Variants in POLA1 observed in about 807,000 individuals in gnomAD.
POLA1 encodes the protein DNA polymerase alpha 1, catalytic subunit, also known as DNA polymerase alpha catalytic subunit.
POLA1 carries 15 observed loss-of-function variants against 124.0 expected under a neutral mutation model. The observed-to-expected ratio is 0.12, with a 90% CI of 0.08 to 0.19. The LOEUF (loss-of-function observed/expected upper bound fraction) is 0.19, where lower values mean the gene tolerates loss of function less well. Ranked by LOEUF, POLA1 falls within the 10% of genes least tolerant of loss-of-function variation. POLA1 has a pLI of 1.00. For synonymous variants in POLA1, 408 were observed against 389.4 expected, an observed-to-expected ratio of 1.05 and a Z score of -0.56; for missense variants, 886 against 1,103.4, an observed-to-expected ratio of 0.80 and a Z score of 2.79.
At chrX:24,782,123 A>G (rs1456363593) in intron 26 of POLA1, among the ~76,000 whole-genome samples, 1 of 111,966 alleles carries the variant, frequency 8.9e-6, no homozygotes, top group Non-Finnish European at 1.9e-5. Flanking sequence ...CAATTTGTTC[A>G]TCTGAAATGA....
intron 36 of POLA1, among the ~76,000 whole-genome samples, chrX:24,938,060 G>A (rs1405065670): frequency 8.9e-6 from 1 of 112,480 alleles, no homozygotes; most frequent in Non-Finnish European, 1.9e-5. Flanking sequence ...AGGAACAAGG[G>A]AGAAGTAAAT....
intron 36 of POLA1, among the ~76,000 whole-genome samples, chrX:24,934,850 G>A (rs750193912): frequency 3.8e-4 from 43 of 112,025 alleles, no homozygotes; most frequent in South Asian, 1.1e-3. Context: ...AGCCTCCTGA[G>A]TAGCTGGGAT....
At chrX:24,872,419 G>A (rs2046877720) in intron 34 of POLA1, among the ~76,000 whole-genome samples, 1 of 111,457 alleles carries the variant, frequency 9.0e-6, no homozygotes. Context: ...AACTCTGAAT[G>A]GCTTAAAAGA....
intron 36 of POLA1, among the ~76,000 whole-genome samples, chrX:24,974,930 G>A (rs191198217): frequency 4.2e-4 from 47 of 112,714 alleles, no homozygotes; most frequent in Admixed American, 7.5e-4. Context: ...ATAGTATTTT[G>A]TCAAGTCGAA....
At chrX:24,949,798 G>A (rs984935802) in intron 36 of POLA1, among the ~76,000 whole-genome samples, 2 of 104,141 alleles carry the variant, frequency 1.9e-5, no homozygotes, top group African/African-American at 3.5e-5. Context: ...GCAATGGTGC[G>A]ATCTCGGCTC....
intron 35 of POLA1, among the ~76,000 whole-genome samples, chrX:24,923,308 T>C (rs2047644239): frequency 8.9e-6 from 1 of 111,888 alleles, no homozygotes. Context: ...TATTAATTGG[T>C]ATTCACTTTA....
chrX:24,865,311 A>C (rs1462510100), intron 34 of POLA1, among the ~76,000 whole-genome samples: 1 of 112,315 alleles, frequency 8.9e-6, no homozygotes, highest in Non-Finnish European at 1.9e-5. Flanking sequence ...AAATAGCCAA[A>C]GCCTTAGTAA....
chrX:24,744,438 T>G (rs757474103), intron 23 of POLA1: 1 of 336,696 alleles, frequency 3.0e-6, no homozygotes, highest in South Asian at 2.8e-5. Context: ...ATTGTCTTAA[T>G]AGTGGACATT....
chrX:24,807,177 A>G (rs1296679539), intron 26 of POLA1, among the ~76,000 whole-genome samples: 1 of 112,139 alleles, frequency 8.9e-6, no homozygotes, highest in African/African-American at 3.2e-5. Flanking sequence ...CTCAGGGATG[A>G]CATAGTAGAT....
intron 2 of POLA1, among the ~76,000 whole-genome samples, chrX:24,701,584 T>A (rs1243541892): frequency 9.4e-6 from 1 of 106,744 alleles, no homozygotes; most frequent in Non-Finnish European, 1.9e-5. Context: ...TACAGGTGTC[T>A]GCCACCACGC....
At chrX:24,945,947 G>A (rs992303292) in intron 36 of POLA1, among the ~76,000 whole-genome samples, 10 of 111,669 alleles carry the variant, frequency 9.0e-5, no homozygotes, top group African/African-American at 3.2e-4. Flanking sequence ...GGAAAAGTAA[G>A]CAAGAAGGAA....
chrX:24,757,920 A>G (rs1157706018), intron 26 of POLA1, among the ~76,000 whole-genome samples: 1 of 111,924 alleles, frequency 8.9e-6, no homozygotes, highest in Non-Finnish European at 1.9e-5. Context: ...AGAAACAACT[A>G]TCTACATTTA....
chrX:24,752,042 A>C (rs1344284693), intron 26 of POLA1, among the ~76,000 whole-genome samples: 1 of 111,849 alleles, frequency 8.9e-6, no homozygotes, highest in East Asian at 2.8e-4. Flanking sequence ...GATGTGGATT[A>C]ATACACAGCC....
chrX:24,932,590 T>C (rs1224556371), intron 36 of POLA1, among the ~76,000 whole-genome samples: 1 of 112,119 alleles, frequency 8.9e-6, no homozygotes, highest in Non-Finnish European at 1.9e-5. Context: ...ATTGTTTGTA[T>C]CTAATAATAT....
At position 24,968,667 on chromosome X, in the gene POLA1, T is replaced by C. The variant is rs569139128; in HGVS notation, c.4262-27138T>C. ...GCAGTGAGCGGAGATTGGGCCACTG[T>C]ACTCCAGCCTGGGCGACAGAGCGAG... On this transcript the variant is annotated intron_variant, in intron 36 of 36. Transcript: ENST00000379068. Among the ~76,000 whole-genome samples the C allele has an allele frequency of 1.9e-3, 183 of 96,547 alleles. 5 individuals carry two copies. The South Asian group carries it at 0.072, about 38-fold the overall frequency. The allele number at this position is 96,547 out of a possible 115,157, so 83.8% of individuals were successfully genotyped here.
intron 32 of POLA1, among the ~76,000 whole-genome samples, chrX:24,838,389 TG>T (rs2046369122): frequency 8.9e-6 from 1 of 111,917 alleles, no homozygotes; most frequent in African/African-American, 3.2e-5. Context: ...CAGCCTATTC[TG>T]GGGGGAAACC....
intron 36 of POLA1, among the ~76,000 whole-genome samples, chrX:24,944,010 AT>A (rs1210916277): frequency 1.8e-5 from 2 of 112,193 alleles, no homozygotes; most frequent in Non-Finnish European, 3.8e-5. Context: ...ACCACAGGGA[AT>A]TTTGAATGAA....
intron 36 of POLA1, among the ~76,000 whole-genome samples, chrX:24,950,201 A>C (rs2048017981): frequency 8.9e-6 from 1 of 112,216 alleles, no homozygotes; most frequent in African/African-American, 3.2e-5. Context: ...GAGCTGAGCT[A>C]TAACTCATCT....
intron 36 of POLA1, among the ~76,000 whole-genome samples, chrX:24,955,609 C>T (rs1234845218): frequency 8.9e-6 from 1 of 112,063 alleles, no homozygotes; most frequent in African/African-American, 3.2e-5. Flanking sequence ...ACACAATTTG[C>T]ATTAGGCAGT....
Sources: gnomAD v4.1 joint callset for allele counts (sites outside exome capture counted in the v4.1 genomes callset) on GRCh38, gnomAD v4.1.1 for gene constraint, MANE v1.5 for transcripts, NCBI Gene and HGNC (gene_info 2026-07-23, HGNC 2026-07-21) for gene names.